Variants in CERS5 observed in about 807,000 individuals in gnomAD.
CERS5 encodes the protein LAG1 homolog, ceramide synthase 5.
Under a neutral mutation model 58.9 loss-of-function variants are expected in CERS5, and 37 were observed. The ratio of observed to expected loss-of-function variants is 0.63; its 90% CI spans 0.48 to 0.83. The LOEUF is 0.83. CERS5 is among the 40% of genes least tolerant of loss of function. CERS5 has a pLI of 0.00. For synonymous variants in CERS5, 147 were observed against 177.8 expected, an observed-to-expected ratio of 0.83 and a Z score of 1.38; for missense variants, 398 against 489.3, an observed-to-expected ratio of 0.81 and a Z score of 1.76.
At chr12:50,134,519 A>C (rs1460956508) in intron 9 of CERS5, 27 bp downstream of exon 9, 3 of 1,613,946 alleles carry the variant, frequency 1.9e-6, no homozygotes, top group Non-Finnish European at 1.7e-6. Context: ...CCATACCCAA[A>C]AGAAAGAAGC....
chr12:50,159,270 G>A (rs1249877754), intron 1 of CERS5, among the ~76,000 whole-genome samples: 1 of 152,078 alleles, frequency 6.6e-6, no homozygotes, highest in Non-Finnish European at 1.5e-5. Flanking sequence ...GCAGTGAGCC[G>A]AGATCCCGCC....
chr12:50,144,475 A>G (rs1412077584), intron 1 of CERS5: 4 of 301,020 alleles, frequency 1.3e-5, no homozygotes, highest in Non-Finnish European at 2.5e-5. Flanking sequence ...TGTATATGAA[A>G]GACCCTGGCA....
intron 1 of CERS5, among the ~76,000 whole-genome samples, chr12:50,161,958 TC>T (rs1325688920): frequency 7.8e-6 from 1 of 127,804 alleles, no homozygotes; most frequent in African/African-American, 2.9e-5. Flanking sequence ...CACCGCAACC[TC>T]TGCCTCCTAG....
intron 9 of CERS5, among the ~76,000 whole-genome samples, chr12:50,131,621 A>G (rs1951331956): frequency 6.6e-6 from 1 of 151,844 alleles, no homozygotes; most frequent in African/African-American, 2.4e-5. Context: ...TACACAGTAT[A>G]GTGAAAACAC....
At position 50,130,569 on chromosome 12, in the gene CERS5, T is replaced by C. The variant is rs1196727729; in HGVS notation, c.1155A>G (p.Gly385=). ...CTTACTCTTCAGCCCAGTAGCTGCCTCCCATGTGACCATTCACCCGATTGG... is the reference window on the plus strand; with the variant it reads ...CTTACTCTTCAGCCCAGTAGCTGCCCCCCATGTGACCATTCACCCGATTGG... ...NGANRVNGHM[G]GSYWAEE is the part of the protein sequence containing the mutation. Residue 385 remains glycine (G), a synonymous_variant, in exon 10 of 10, where the codon GGA becomes GGG. Transcript: ENST00000317551. 4 of 1,610,078 alleles carry C rather than the reference T, an allele frequency of 2.5e-6. No individual in the cohort carries two copies. Among genetic ancestry groups the C allele is most frequent in the Non-Finnish European group, 3.4e-6 (4 of 1,176,646 alleles).
At chr12:50,142,548 C>CTAA (rs1952029811) in intron 3 of CERS5, among the ~76,000 whole-genome samples, 1 of 86,790 alleles carries the variant, frequency 1.2e-5, no homozygotes, top group Non-Finnish European at 2.4e-5. Context: ...GACTCCGTCT[C>CTAA]AAAAAAAAAA....
At chr12:50,144,999 G>C (rs746741406) in intron 1 of CERS5, 2 of 281,092 alleles carry the variant, frequency 7.1e-6, no homozygotes, top group Admixed American at 9.6e-5. Flanking sequence ...TTATCTGGGC[G>C]TGGTGGTGGG....
intron 1 of CERS5, among the ~76,000 whole-genome samples, chr12:50,146,623 G>C (rs1952283388): frequency 6.6e-6 from 1 of 152,150 alleles, no homozygotes. Context: ...ACTTTGGGAG[G>C]CCGAGGTGGG....
chr12:50,140,284 A>ATTTTTTTTTTTTTTTTTTTTTTTTTTT (rs57651378), intron 4 of CERS5, among the ~76,000 whole-genome samples: 6 of 96,252 alleles, frequency 6.2e-5, no homozygotes, highest in African/African-American at 2.2e-4. Context: ...TAACTTCCAA[A>ATTTTTTTTTTTTTTTTTTTTTTTTTTT]TTTTTTTTTT....
At chr12:50,135,250 G>GAC (rs1251966153) in intron 8 of CERS5, among the ~76,000 whole-genome samples, 1 of 93,834 alleles carries the variant, frequency 1.1e-5, no homozygotes, top group African/African-American at 4.8e-5. Context: ...AGAGAGAGAG[G>GAC]AGGGAGGGAG....
intron 1 of CERS5, chr12:50,166,085 G>T (rs1161524406): frequency 5.9e-6 from 2 of 338,950 alleles, no homozygotes; most frequent in South Asian, 2.2e-5. Flanking sequence ...CACTTTGGGA[G>T]GCAGAGGCGG....
At chr12:50,148,576 G>A (rs767208910) in intron 1 of CERS5, 11 of 344,372 alleles carry the variant, frequency 3.2e-5, no homozygotes, top group Non-Finnish European at 4.9e-5. Flanking sequence ...CAGTCTGGGC[G>A]ACAAAGCAGA....
intron 1 of CERS5, among the ~76,000 whole-genome samples, chr12:50,161,567 G>T (rs1253103449): frequency 1.3e-5 from 2 of 151,904 alleles, no homozygotes; most frequent in Non-Finnish European, 2.9e-5. Context: ...ACTTGAGGCC[G>T]GGAGTTCAAG....
intron 1 of CERS5, among the ~76,000 whole-genome samples, chr12:50,158,143 A>G (rs1938867762): frequency 6.6e-6 from 1 of 152,068 alleles, no homozygotes; most frequent in South Asian, 2.1e-4. Context: ...TGTAAATCCA[A>G]TCATTCTAAT....
At chr12:50,164,569 G>A (rs1939663177) in intron 1 of CERS5, among the ~76,000 whole-genome samples, 1 of 152,128 alleles carries the variant, frequency 6.6e-6, no homozygotes, top group Non-Finnish European at 1.5e-5. Flanking sequence ...GTGCTTCTAG[G>A]GTTAAACTTT....
intron 1 of CERS5, among the ~76,000 whole-genome samples, chr12:50,156,438 A>ATATATATATATATG (rs1555198356): frequency 3.2e-5 from 4 of 123,382 alleles, no homozygotes; most frequent in Admixed American, 1.7e-4. Context: ...ATATATATAT[A>ATATATATATATATG]AAACAATTAG....
chr12:50,144,091 T>C, intron 1 of CERS5, 34 bp from the exon 2 acceptor site: 1 of 1,253,594 alleles, frequency 8.0e-7, no homozygotes, highest in Non-Finnish European at 1.2e-6. Flanking sequence ...CCAATTCTTT[T>C]TAAAAAAATT....
At position 50,148,904 on chromosome 12, in the gene CERS5, CAAAAAAAA is replaced by C. The variant is rs71083511; in HGVS notation, c.198-4855_198-4848del. Among the ~76,000 whole-genome samples, 273 of 71,864 alleles carry C rather than the reference CAAAAAAAA, an allele frequency of 3.8e-3. 3 individuals carry two copies. The highest frequency in any genetic ancestry group is 6.1e-3 in the African/African-American group (101 of 16,470). 47.1% of individuals were successfully genotyped at this position (71,864 alleles called of 152,430 possible). On this transcript the variant is annotated intron_variant, in intron 1 of 9. Coordinates refer to ENST00000317551, the MANE Select transcript of CERS5 (RefSeq NM_147190.5). ...GGGGTGACGGAGCGAGACTCCATCT[CAAAAAAAA>C]AAAAAAAAAAAAAAAATATATATAT...
chr12:50,167,142 C>G lies in CERS5; in HGVS notation c.156G>C (p.Pro52=). The G allele has an allele frequency of 6.3e-7, 1 of 1,585,262 alleles. No individual in the cohort carries two copies. Among genetic ancestry groups the G allele is most frequent in the Non-Finnish European group, 8.5e-7 (1 of 1,169,804 alleles). ...TCACGAAGAAGATGCCCGCCGCCAG[C>G]GGGAACACCGAGAGGATGTGCCGGC... ...PRGRHILSVF[P]LAAGIFFVRL... is the part of the protein sequence containing the mutation. Residue 52 remains proline (P), a synonymous_variant, in exon 1 of 10, where the codon CCG becomes CCC. Transcript: ENST00000317551.
Sources: allele counts gnomAD v4.1 joint callset (sites outside exome capture counted in the v4.1 genomes callset), GRCh38; gene constraint gnomAD v4.1.1; transcripts MANE v1.5; gene names NCBI Gene and HGNC (gene_info 2026-07-23, HGNC 2026-07-21).